The following GNG7 variants were observed in gnomAD, a reference collection of about 807,000 sequenced individuals.
GNG7 encodes the protein G protein subunit gamma 7.
A neutral mutation model predicts 4.0 loss-of-function variants in GNG7; 1 was observed. That is an observed-to-expected ratio of 0.25 (90% confidence interval 0.09 to 1.18). GNG7 has a LOEUF of 1.18. GNG7 is among the 50% of genes most tolerant of loss of function. The pLI, the probability that GNG7 is intolerant of heterozygous loss-of-function variation, is 0.50. For missense variants in GNG7, 86 were observed against 91.9 expected, an observed-to-expected ratio of 0.94 and a Z score of 0.26; for synonymous variants, 34 against 36.9, an observed-to-expected ratio of 0.92 and a Z score of 0.29.
chr19:2,638,208 C>T (rs1982367452), intron 2 of GNG7, among the ~76,000 whole-genome samples: 1 of 150,768 alleles, frequency 6.6e-6, no homozygotes, highest in Non-Finnish European at 1.5e-5. Context: ...ACTAAATATA[C>T]AAAAGTTAGC....
intron 2 of GNG7, among the ~76,000 whole-genome samples, chr19:2,594,168 C>T (rs915366783): frequency 1.3e-5 from 2 of 152,064 alleles, no homozygotes; most frequent in Admixed American, 1.3e-4. Flanking sequence ...CTCAGGAGTT[C>T]GAGACCAGCC....
At chr19:2,665,008 C>G (rs546422519) in intron 1 of GNG7, among the ~76,000 whole-genome samples, 1 of 152,184 alleles carries the variant, frequency 6.6e-6, no homozygotes, top group Non-Finnish European at 1.5e-5. Flanking sequence ...CCCTGATCTT[C>G]TGTCCTGCTG....
At chr19:2,527,366 T>A (rs1418004104) in intron 3 of GNG7, among the ~76,000 whole-genome samples, 2 of 152,118 alleles carry the variant, frequency 1.3e-5, no homozygotes, top group Non-Finnish European at 2.9e-5. Flanking sequence ...AGTTTTGGTG[T>A]CGCGCATCCC....
chr19:2,635,263 T>A (rs1982276754), intron 2 of GNG7, among the ~76,000 whole-genome samples: 1 of 152,222 alleles, frequency 6.6e-6, no homozygotes. Flanking sequence ...CATCTCCATC[T>A]GCACCCTCTG....
chr19:2,689,032 T>C (rs1197032418), intron 1 of GNG7, among the ~76,000 whole-genome samples: 2 of 151,686 alleles, frequency 1.3e-5, no homozygotes, highest in Non-Finnish European at 2.9e-5. Flanking sequence ...TCCACTGCAC[T>C]TAGCCTGGGC....
At chr19:2,692,355 G>T (rs1324456062) in intron 1 of GNG7, among the ~76,000 whole-genome samples, 1 of 152,130 alleles carries the variant, frequency 6.6e-6, no homozygotes, top group Non-Finnish European at 1.5e-5. Flanking sequence ...GCCAGGGGAG[G>T]CCGGGCGCGG....
chr19:2,696,068 A>G (rs1301812830), intron 1 of GNG7, among the ~76,000 whole-genome samples: 4 of 151,356 alleles, frequency 2.6e-5, no homozygotes, highest in African/African-American at 4.9e-5. Flanking sequence ...GAGGCAGGAG[A>G]ATCACTGGAA....
intron 1 of GNG7, among the ~76,000 whole-genome samples, chr19:2,656,052 G>C (rs76711007): frequency 8.7e-5 from 12 of 137,274 alleles, no homozygotes; most frequent in African/African-American, 3.3e-4. Context: ...AAGAAAGAAA[G>C]AAAAAAAAAA....
chr19:2,628,826 C>T (rs1258215019), intron 2 of GNG7, among the ~76,000 whole-genome samples: 1 of 152,140 alleles, frequency 6.6e-6, no homozygotes, highest in African/African-American at 2.4e-5. Context: ...GAGCTCAGGT[C>T]AACTGACTAG....
At chr19:2,526,328 C>T (rs1033521173) in intron 3 of GNG7, among the ~76,000 whole-genome samples, 4 of 150,596 alleles carry the variant, frequency 2.7e-5, no homozygotes, top group African/African-American at 7.3e-5. Flanking sequence ...TGGTCTCAAA[C>T]GCCTGACCTC....
intron 2 of GNG7, among the ~76,000 whole-genome samples, chr19:2,620,079 C>T (rs1363110777): frequency 1.3e-5 from 2 of 151,562 alleles, no homozygotes; most frequent in Non-Finnish European, 1.5e-5. Context: ...CGCCTGTATT[C>T]GCAGCTACTT....
At chr19:2,624,125 G>A (rs536790742) in intron 2 of GNG7, among the ~76,000 whole-genome samples, 5 of 152,204 alleles carry the variant, frequency 3.3e-5, no homozygotes, top group East Asian at 3.9e-4. Context: ...TGGAGATGAC[G>A]GTGGTGATGG....
Position 2,694,950 on chromosome 19 carries a change from T to A in GNG7, c.-135+7696A>T, listed in dbSNP as rs529362890. Among the ~76,000 whole-genome samples the A allele has an allele frequency of 2.1e-3, 318 of 151,906 alleles. 3 individuals are homozygous for A. Among genetic ancestry groups the A allele is most frequent in the South Asian group, 5.0e-3 (24 of 4,804 alleles). On this transcript the variant is annotated intron_variant, in intron 1 of 4. Coordinates refer to ENST00000382159, the MANE Select transcript of GNG7 (RefSeq NM_052847.3). ...CTACTCAGGCCATCACAGGGTAGGG[T>A]TGAACTCGAGCTCAGGAGTTCGAGA...
chr19:2,553,967 T>C lies in GNG7; in HGVS notation c.-38+1182A>G, dbSNP rs908596216. On this transcript the variant is annotated intron_variant, in intron 3 of 4. Transcript: ENST00000382159. The stretch of plus-strand genomic sequence containing the variant: ...TATTATATGTAATATATATTACACA[T>C]ATGTATATATTATATGTAATATATA... Among the ~76,000 whole-genome samples the C allele has an allele frequency of 8.3e-4, 88 of 105,460 alleles. 1 individual carries two copies. The highest frequency in any genetic ancestry group is 3.4e-3 in the African/African-American group (86 of 24,928). 69.2% of individuals were successfully genotyped at this position (105,460 alleles called of 152,430 possible).
At position 2,557,095 on chromosome 19, in the gene GNG7, G is replaced by T. The variant is rs896414608; in HGVS notation, c.-77-1907C>A. 7.1e-6 allele frequency among the ~76,000 whole-genome samples: 1 copy of T among 140,218 alleles called. No homozygotes were observed. 92.0% of individuals were successfully genotyped at this position (140,218 alleles called of 152,430 possible). A position where few individuals can be genotyped will look rare whatever the true frequency, so the allele number is the denominator to read the frequency against. On this transcript the variant is annotated intron_variant, in intron 2 of 4. Coordinates refer to ENST00000382159, the MANE Select transcript of GNG7 (RefSeq NM_052847.3). The surrounding 1 kb of genome is among the most constrained non-coding windows in gnomAD (Gnocchi z 5.1). ...GACACACGCACACACGTGCACACAG[G>T]AATACTCAGACACACGCACACACGT...
At chr19:2,599,379 C>T (rs1981131265) in intron 2 of GNG7, among the ~76,000 whole-genome samples, 1 of 152,172 alleles carries the variant, frequency 6.6e-6, no homozygotes, top group South Asian at 2.1e-4. Flanking sequence ...CCAAATAAAC[C>T]CAGCTGGTGG....
At chr19:2,624,545 A>T (rs1981966533) in intron 2 of GNG7, among the ~76,000 whole-genome samples, 1 of 151,392 alleles carries the variant, frequency 6.6e-6, no homozygotes, top group Non-Finnish European at 1.5e-5. Context: ...AAAAAAAAAA[A>T]AGAAAAAGAA....
At position 2,698,026 on chromosome 19, in the gene GNG7, G is replaced by C. The variant is rs941950890; in HGVS notation, c.-135+4620C>G. Among the ~76,000 whole-genome samples, 22 of 151,992 alleles carry C rather than the reference G, an allele frequency of 1.4e-4. 1 individual carries two copies. Among genetic ancestry groups the C allele is most frequent in the African/African-American group, 5.1e-4 (21 of 41,446 alleles). On this transcript the variant is annotated intron_variant, in intron 1 of 4. Coordinates refer to ENST00000382159, the MANE Select transcript of GNG7 (RefSeq NM_052847.3). The stretch of plus-strand genomic sequence containing the variant: ...TCATGCTTATAATCCCAGCACTTTG[G>C]GAGGTCGAGGCAGGTGGATCACCAG...
At chr19:2,629,277 T>A (rs1419999387) in intron 2 of GNG7, among the ~76,000 whole-genome samples, 1 of 152,194 alleles carries the variant, frequency 6.6e-6, no homozygotes, top group African/African-American at 2.4e-5. Flanking sequence ...ACTCCAAATG[T>A]CCCTTTCAAT....
Sources: allele counts gnomAD v4.1 joint callset (sites outside exome capture counted in the v4.1 genomes callset), GRCh38; gene constraint gnomAD v4.1.1; non-coding constraint Gnocchi (gnomAD v3.1); transcripts MANE v1.5; gene names NCBI Gene and HGNC (gene_info 2026-07-23, HGNC 2026-07-21).